The following BRCA2 variants were observed in gnomAD, a reference collection of about 807,000 sequenced individuals.
BRCA2 encodes BRCA2 DNA repair associated.
Under a neutral mutation model 276.7 loss-of-function variants are expected in BRCA2, and 203 were observed. That is an observed-to-expected ratio of 0.73 (90% CI 0.65 to 0.82). The LOEUF is 0.82. Among genes scored for constraint, BRCA2 ranks in the 40% least tolerant of loss-of-function variants. The pLI, the probability that BRCA2 is intolerant of heterozygous loss-of-function variation, is 0.00. For synonymous variants in BRCA2, 1,289 were observed against 1,338.4 expected, an observed-to-expected ratio of 0.96 and a Z score of 0.81; for missense variants, 3,920 against 3,915.0, an observed-to-expected ratio of 1.00 and a Z score of -0.03.
chr13:32,342,535 T>G (rs1010511337), intron 11 of BRCA2, among the ~76,000 whole-genome samples: 1 of 152,186 alleles, frequency 6.6e-6, no homozygotes, highest in Non-Finnish European at 1.5e-5. Context: ...AGAAATAGAT[T>G]GTTAGATTTC....
chr13:32,340,618 C>T lies in BRCA2; in HGVS notation c.6263C>T (p.Thr2088Ile), dbSNP rs767567428. ...TTAGAGGAATTTGATTTAATCAGAA[C>T]TGAGCATAGTCTTCACTATTCACCT... Reference protein sequence around the residue: ...GVLEEFDLIRTEHSLHYSPTS... With the variant: ...GVLEEFDLIRIEHSLHYSPTS... The change falls in exon 11 of 27, where the codon ACT (threonine) becomes ATT (isoleucine). Residue 2088 changes from threonine to isoleucine, a missense_variant. This residue lies in a region of BRCA2 where 3,263 missense variants were observed against 3,156.9 expected (regional missense o/e 1.03). Coordinates refer to ENST00000380152, the MANE Select transcript of BRCA2 (RefSeq NM_000059.4). 7 of 1,607,978 alleles carry T rather than the reference C, an allele frequency of 4.4e-6. No individual in the cohort carries two copies. Among genetic ancestry groups the T allele is most frequent in the Non-Finnish European group, 5.9e-6 (7 of 1,177,734 alleles).
At chr13:32,344,364 A>C (rs535151919) in intron 11 of BRCA2, among the ~76,000 whole-genome samples, 194 bp from the exon 12 acceptor site, 2 of 152,168 alleles carry the variant, frequency 1.3e-5, no homozygotes, top group South Asian at 4.1e-4. Flanking sequence ...AAGTGGTCAA[A>C]ACAGAACAAA....
intron 24 of BRCA2, among the ~76,000 whole-genome samples, chr13:32,393,468 CT>C (rs200368742): frequency 3.9e-4 from 58 of 147,068 alleles, no homozygotes; most frequent in East Asian, 1.8e-3. Flanking sequence ...TATTGTTTAA[CT>C]TTTTTTTTTT....
intron 22 of BRCA2, 95 bp from the exon 23 acceptor site, chr13:32,379,641 TAATGCCCACAAAGA>T (rs1386905444): frequency 8.6e-6 from 13 of 1,503,102 alleles, no homozygotes; most frequent in Non-Finnish European, 6.4e-6. Context: ...AATCCACTAC[TAATGCCCACAAAGA>T]GATAATATAA....
chr13:32,316,363 C>T lies in BRCA2; in HGVS notation c.-39-59C>T, dbSNP rs1165047097. 8.4e-6 allele frequency: 9 copies of T among 1,072,428 alleles called. No individual in the cohort carries two copies. The East Asian group carries it at 2.0e-4, about 24-fold the overall frequency. 66.4% of individuals were successfully genotyped at this position (1,072,428 alleles called of 1,614,324 possible). ...TTTCCAGCGCTTCTGAGTTTTACCTCAGTCACATAATAAGGAATGCATCCC... is the reference window on the plus strand; with the variant it reads ...TTTCCAGCGCTTCTGAGTTTTACCTTAGTCACATAATAAGGAATGCATCCC... On this transcript the variant is annotated intron_variant, in intron 1 of 26. Coordinates refer to ENST00000380152, the MANE Select transcript of BRCA2 (RefSeq NM_000059.4).
At chr13:32,381,645 G>A (rs149512741) in intron 24 of BRCA2, among the ~76,000 whole-genome samples, 16 of 152,282 alleles carry the variant, frequency 1.1e-4, no homozygotes, top group African/African-American at 3.8e-4. Context: ...GTCGTGTGGG[G>A]GTCCTTGTGT....
At position 32,379,595 on chromosome 13, in the gene BRCA2, G is replaced by A. The variant is rs543831222; in HGVS notation, c.8953+80G>A. ...TACTAACAAAATGATTATAAATCCA[G>A]ATAAAGTATAAAGTTAGTTTATATC... On this transcript the variant is annotated intron_variant, in intron 22 of 26. Transcript: ENST00000380152. The A allele has an allele frequency of 9.6e-5, 149 of 1,549,576 alleles. 1 individual carries two copies. The highest frequency in any genetic ancestry group is 8.4e-4 in the South Asian group (72 of 85,890).
In BRCA2 at chr13:32,399,168, T is replaced by C. The variant is rs1026859271; in HGVS notation, c.*398T>C. On this transcript the variant is annotated 3_prime_UTR_variant, in exon 27 of 27. Coordinates refer to ENST00000380152, the MANE Select transcript of BRCA2 (RefSeq NM_000059.4). ...AAAAAAAAAAGGGGAAAAGAAAATC[T>C]TTTAAATCTTTGGATTTGATCACTA... 2 of 235,920 alleles carry C rather than the reference T, an allele frequency of 8.5e-6. No homozygotes were observed. The highest frequency in any genetic ancestry group is 8.3e-6 in the Non-Finnish European group (1 of 120,446). 14.6% of individuals were successfully genotyped at this position (235,920 alleles called of 1,614,324 possible).
At chr13:32,329,924 T>C (rs183054929) in intron 8 of BRCA2, among the ~76,000 whole-genome samples, 1 of 152,230 alleles carries the variant, frequency 6.6e-6, no homozygotes, top group Non-Finnish European at 1.5e-5. Flanking sequence ...AGGACAATTA[T>C]AACAAAATAC....
chr13:32,347,962 G>A (rs1480826071), intron 13 of BRCA2, among the ~76,000 whole-genome samples: 2 of 151,990 alleles, frequency 1.3e-5, no homozygotes, highest in African/African-American at 4.8e-5. Flanking sequence ...AGTCACCAAA[G>A]TACAAAATCC....
At chr13:32,323,908 G>A (rs138016731) in intron 3 of BRCA2, among the ~76,000 whole-genome samples, 1 of 152,204 alleles carries the variant, frequency 6.6e-6, no homozygotes, top group Admixed American at 6.5e-5. Flanking sequence ...CTGTAAATTG[G>A]ATTTCATATT....
chr13:32,396,869 TA>T, intron 25 of BRCA2, 28 bp from the exon 26 acceptor site: 1 of 1,613,776 alleles, frequency 6.2e-7, no homozygotes, highest in Non-Finnish European at 8.5e-7. Flanking sequence ...TTGCAATTTA[TA>T]AAGCAGCTTT....
In BRCA2 at chr13:32,356,475, A is replaced by AT. The variant is rs886038171; in HGVS notation, c.7485dup (p.Lys2496Ter). The AT allele has an allele frequency of 1.2e-6, 2 of 1,614,066 alleles. No homozygotes were observed. Among genetic ancestry groups the AT allele is most frequent in the African/African-American group, 2.7e-5 (2 of 74,942 alleles). On this transcript the variant is annotated frameshift_variant, in exon 15 of 27. Coordinates refer to ENST00000380152, the MANE Select transcript of BRCA2 (RefSeq NM_000059.4). LOFTEE classifies it high-confidence loss of function. ...TGCCAGAGATATACAGGATATGCGAATTAAGAAGAAACAAAGGCAACGCGT... is the reference window on the plus strand; with the variant it reads ...TGCCAGAGATATACAGGATATGCGAATTTAAGAAGAAACAAAGGCAACGCGT...
Position 32,354,904 on chromosome 13 carries a change from G to A in BRCA2, c.7051G>A (p.Ala2351Thr), listed in dbSNP as rs80358930. The A allele has an allele frequency of 2.6e-5, 42 of 1,613,370 alleles. No individual in the cohort carries two copies. Among genetic ancestry groups the A allele is most frequent in the East Asian group, 1.6e-4 (7 of 44,826 alleles). ...RQEIQNPNFT[A>T]PGQEFLSKSH... ...AGAGATACAGAATCCAAATTTTACC[G>A]CACCTGGTCAAGAATTTCTGTCTAA... Residue 2351 changes from alanine (A) to threonine (T), a missense_variant, in exon 14 of 27, where the codon GCA (alanine) becomes ACA (threonine). Ala to Thr is a moderately conservative substitution (Grantham distance 58). This residue lies in a region of BRCA2 where 3,263 missense variants were observed against 3,156.9 expected (regional missense o/e 1.03). Coordinates refer to ENST00000380152, the MANE Select transcript of BRCA2 (RefSeq NM_000059.4).
In BRCA2 at chr13:32,340,239, A is replaced by G. The variant is rs747406932; in HGVS notation, c.5884A>G (p.Ile1962Val). ...AACTTCAGATATATGTAAATGTAGT[A>G]TAGGGAAGCTTCATAAGTCAGTCTC... ...LETSDICKCSIGKLHKSVSSA... is the reference protein window; with the variant it reads ...LETSDICKCSVGKLHKSVSSA... Residue 1962 changes from isoleucine (I) to valine (V), a missense_variant, in exon 11 of 27, where the codon ATA becomes GTA. Ile to Val is a conservative substitution (Grantham distance 29). This residue lies in a region of BRCA2 where 3,263 missense variants were observed against 3,156.9 expected (regional missense o/e 1.03). Transcript: ENST00000380152. The G allele has an allele frequency of 6.2e-7, 1 of 1,614,024 alleles. No individual in the cohort carries two copies. The highest frequency in any genetic ancestry group is 1.1e-5 in the South Asian group (1 of 91,076).
In BRCA2 at chr13:32,371,042, AC is replaced by A. The variant is rs80359718; in HGVS notation, c.8575del (p.Gln2859LysfsTer4). ...KEAAKYVEAQ[Q>X]KRLEALFTKI... ...AAGCAGCAAAATATGTGGAGGCCCAACAAAAGAGACTAGAAGCCTTATTCAC... is the reference window on the plus strand; with the variant it reads ...AAGCAGCAAAATATGTGGAGGCCCAAAAAAGAGACTAGAAGCCTTATTCAC... On this transcript the variant is annotated frameshift_variant, in exon 20 of 27. Transcript: ENST00000380152. LOFTEE classifies it high-confidence loss of function. The A allele has an allele frequency of 8.1e-6, 13 of 1,614,086 alleles. No homozygotes were observed. The highest frequency in any genetic ancestry group is 1.0e-5 in the Non-Finnish European group (12 of 1,180,020).
At chr13:32,325,614 C>G (rs957722208) in intron 4 of BRCA2, among the ~76,000 whole-genome samples, 1 of 149,754 alleles carries the variant, frequency 6.7e-6, no homozygotes, top group African/African-American at 2.5e-5. Context: ...GATCTCAGCT[C>G]ACTGCAAGCT....
intron 18 of BRCA2, among the ~76,000 whole-genome samples, chr13:32,365,244 C>T (rs372225488): frequency 1.3e-5 from 2 of 150,242 alleles, no homozygotes; most frequent in Non-Finnish European, 2.9e-5. Context: ...TCAAACGGTC[C>T]TCACGCTTTA....
At chr13:32,324,728 G>T (rs1251668632) in intron 3 of BRCA2, among the ~76,000 whole-genome samples, 1 of 152,162 alleles carries the variant, frequency 6.6e-6, no homozygotes, top group Non-Finnish European at 1.5e-5. Flanking sequence ...CTGGGCTCAA[G>T]TGATCCTCCC....
Sources: allele counts gnomAD v4.1 joint callset (sites outside exome capture counted in the v4.1 genomes callset), GRCh38; gene constraint gnomAD v4.1.1; regional missense constraint gnomAD v4.1.1; transcripts MANE v1.5; gene names NCBI Gene and HGNC (gene_info 2026-07-23, HGNC 2026-07-21).